MMP26: variants seen among roughly 807,000 people sequenced by gnomAD.
MMP26 encodes the protein matrix metallopeptidase 26, also known as matrix metalloproteinase-26.
MMP26 carries 33 observed loss-of-function variants against 31.0 expected under a neutral mutation model. The ratio of observed to expected loss-of-function variants is 1.06; its 90% CI spans 0.81 to 1.42. The LOEUF is 1.42. Among genes scored for constraint, MMP26 ranks in the 40% most tolerant of loss-of-function variants. The probability of loss-of-function intolerance (pLI) is 0.00; values close to 1 mark genes in which losing one functional copy is unlikely to be tolerated. For synonymous variants in MMP26, 122 were observed against 114.9 expected, an observed-to-expected ratio of 1.06 and a Z score of -0.40; for missense variants, 347 against 316.1, an observed-to-expected ratio of 1.10 and a Z score of -0.74.
At chr11:4,713,667 T>G (rs948366408) in intron 1 of MMP26, among the ~76,000 whole-genome samples, 1 of 152,028 alleles carries the variant, frequency 6.6e-6, no homozygotes, top group Admixed American at 6.6e-5. Flanking sequence ...ATGAAGATTT[T>G]TGGGGGGCAT....
intron 2 of MMP26, among the ~76,000 whole-genome samples, chr11:4,987,311 T>C (rs1057397467): frequency 6.6e-6 from 1 of 152,184 alleles, no homozygotes; most frequent in Non-Finnish European, 1.5e-5. Flanking sequence ...CAATGCTTTG[T>C]TTTCTTCAAC....
chr11:4,732,079 G>A (rs1476438714), intron 1 of MMP26, among the ~76,000 whole-genome samples: 4 of 152,244 alleles, frequency 2.6e-5, no homozygotes, highest in East Asian at 1.9e-4. Flanking sequence ...CCAGGGTGGG[G>A]TTAGTGGAGC....
intron 2 of MMP26, among the ~76,000 whole-genome samples, chr11:4,905,172 C>G (rs1011051522): frequency 6.6e-6 from 1 of 152,058 alleles, no homozygotes; most frequent in African/African-American, 2.4e-5. Context: ...AAAACACAGT[C>G]CAGCAAATAA....
At position 4,827,946 on chromosome 11, in the gene MMP26, T is replaced by C. The variant is rs1180445126; in HGVS notation, c.-145+60605T>C. ...TTTTCTGGATCTGGAGACCAATTAATTTTCCACTCAAAATGATGTAGATAC... is the reference window on the plus strand; with the variant it reads ...TTTTCTGGATCTGGAGACCAATTAACTTTCCACTCAAAATGATGTAGATAC... On this transcript the variant is annotated intron_variant, in intron 2 of 7. Coordinates refer to ENST00000380390, the MANE Select transcript of MMP26 (RefSeq NM_021801.5). Among the ~76,000 whole-genome samples the C allele has an allele frequency of 1.6e-4, 25 of 152,010 alleles. 1 individual carries two copies. Among genetic ancestry groups the C allele is most frequent in the Admixed American group, 1.6e-3 (25 of 15,244 alleles).
At chr11:4,952,253 A>C in intron 2 of MMP26, among the ~76,000 whole-genome samples, 1 of 123,852 alleles carries the variant, frequency 8.1e-6, no homozygotes, top group Non-Finnish European at 1.8e-5. Flanking sequence ...GAGACTCTTG[A>C]ATGAGACATC....
chr11:4,745,032 G>T (rs570682743), intron 1 of MMP26, among the ~76,000 whole-genome samples: 19 of 152,148 alleles, frequency 1.2e-4, no homozygotes, highest in Non-Finnish European at 8.8e-5. Context: ...TTCATGTATT[G>T]CAATTACTGA....
chr11:4,793,148 A>G (rs1849054472), intron 2 of MMP26, among the ~76,000 whole-genome samples: 2 of 152,176 alleles, frequency 1.3e-5, no homozygotes, highest in Admixed American at 6.5e-5. Context: ...TACATAAATA[A>G]TCTCATTTAA....
chr11:4,800,164 C>T (rs763994525), intron 2 of MMP26, among the ~76,000 whole-genome samples: 35 of 152,232 alleles, frequency 2.3e-4, no homozygotes, highest in Admixed American at 1.0e-3. Flanking sequence ...TTCCCTTCAG[C>T]GCTGGCTTAC....
Position 4,988,285 on chromosome 11 carries a change from A to T in MMP26, c.74A>T (p.Asp25Val). Residue 25 changes from aspartate to valine, a missense_variant, in exon 3 of 8, where the codon GAC becomes GTC. Physicochemically the swap from Asp to Val is radical, Grantham distance 152. Coordinates refer to ENST00000380390, the MANE Select transcript of MMP26 (RefSeq NM_021801.5). ...CFAVPVPPAA[D>V]HKGWDFVEGY... ...GCCGTTCCAGTGCCCCCTGCTGCAG[A>T]CCATAAAGGATGGGACTTTGTTGAG... 6.2e-7 allele frequency: 1 copy of T among 1,614,046 alleles called. No homozygotes were observed. Among genetic ancestry groups the T allele is most frequent in the Non-Finnish European group, 8.5e-7 (1 of 1,179,990 alleles).
At chr11:4,786,903 T>C (rs17325567) in intron 2 of MMP26, 14,452 of 152,424 alleles carry the variant, frequency 0.095, 855 homozygotes, top group Middle Eastern at 0.15. Flanking sequence ...TCCTATTGGT[T>C]GTTATTCTGG....
intron 1 of MMP26, chr11:4,736,942 T>A (rs1848249178): frequency 6.5e-6 from 1 of 153,060 alleles, no homozygotes. Context: ...GAGACTGGAC[T>A]CAGTGATGAT....
chr11:4,767,991 T>C (rs1848653779), intron 2 of MMP26, among the ~76,000 whole-genome samples: 1 of 152,220 alleles, frequency 6.6e-6, no homozygotes, highest in Non-Finnish European at 1.5e-5. Flanking sequence ...TCTGTAAAAC[T>C]GTGTATAGGC....
intron 2 of MMP26, among the ~76,000 whole-genome samples, chr11:4,822,940 C>G (rs1849530527): frequency 6.6e-6 from 1 of 152,136 alleles, no homozygotes. Context: ...TCAGTTACTG[C>G]TGCTGTTAGC....
At chr11:4,798,823 A>G (rs1849143678) in intron 2 of MMP26, among the ~76,000 whole-genome samples, 1 of 152,202 alleles carries the variant, frequency 6.6e-6, no homozygotes, top group South Asian at 2.1e-4. Context: ...TGTTGATTTG[A>G]GTGTGAAAAA....
chr11:4,845,492 T>A (rs943699481), intron 2 of MMP26, among the ~76,000 whole-genome samples: 6 of 152,094 alleles, frequency 3.9e-5, no homozygotes, highest in African/African-American at 1.2e-4. Context: ...GGGAAACTAC[T>A]ACAAAAAAAC....
At chr11:4,740,693 AAAAAAG>A (rs1848301099) in intron 1 of MMP26, among the ~76,000 whole-genome samples, 1 of 151,614 alleles carries the variant, frequency 6.6e-6, no homozygotes, top group Non-Finnish European at 1.5e-5. Context: ...AAAAAAAAAA[AAAAAAG>A]AAACTATATT....
At chr11:4,714,163 T>C (rs993408107) in intron 1 of MMP26, among the ~76,000 whole-genome samples, 1 of 152,196 alleles carries the variant, frequency 6.6e-6, no homozygotes, top group Non-Finnish European at 1.5e-5. Flanking sequence ...CGAAAAACAT[T>C]ACACTTTACA....
intron 2 of MMP26, among the ~76,000 whole-genome samples, chr11:4,933,823 G>A (rs1851390122): frequency 6.7e-6 from 1 of 148,464 alleles, no homozygotes; most frequent in African/African-American, 2.5e-5. Flanking sequence ...AATATGCAGT[G>A]TTTGGTTTTT....
At chr11:4,858,153 T>A (rs1028844567) in intron 2 of MMP26, among the ~76,000 whole-genome samples, 13 of 152,130 alleles carry the variant, frequency 8.5e-5, no homozygotes, top group African/African-American at 3.1e-4. Flanking sequence ...GCATTCCCTT[T>A]GAAAACTGGC....
Sources: allele counts gnomAD v4.1 joint callset (sites outside exome capture counted in the v4.1 genomes callset), GRCh38; gene constraint gnomAD v4.1.1; transcripts MANE v1.5; gene names NCBI Gene and HGNC (gene_info 2026-07-23, HGNC 2026-07-21).